DCC: variants seen among roughly 807,000 people sequenced by gnomAD.
DCC encodes the protein DCC netrin 1 receptor.
A neutral mutation model predicts 172.5 loss-of-function variants in DCC; 58 were observed. The observed-to-expected ratio is 0.34, with a 90% CI of 0.27 to 0.42. DCC has a LOEUF of 0.42. Ranked by LOEUF, DCC falls within the 10% of genes least tolerant of loss-of-function variation. The pLI is 1.00. For missense variants in DCC, 1,740 were observed against 1,791.0 expected, an observed-to-expected ratio of 0.97 and a Z score of 0.51; for synonymous variants, 709 against 644.5, an observed-to-expected ratio of 1.10 and a Z score of -1.52.
At chr18:53,103,080 A>G (rs1470697902) in intron 7 of DCC, among the ~76,000 whole-genome samples, 1 of 152,094 alleles carries the variant, frequency 6.6e-6, no homozygotes, top group East Asian at 1.9e-4. Flanking sequence ...TACCCCATTC[A>G]TTTATGAATT....
Position 52,773,923 on chromosome 18 carries a change from T to G in DCC, c.412+21549T>G, listed in dbSNP as rs1052392195. ...AAATCAGATACAGGGGGAAGACAGA[T>G]GAATCAAGGCTGTTGAAGCTGCAGC... On this transcript the variant is annotated intron_variant, in intron 2 of 28. Coordinates refer to ENST00000442544, the MANE Select transcript of DCC (RefSeq NM_005215.4). 3.3e-5 allele frequency among the ~76,000 whole-genome samples: 5 copies of G among 152,112 alleles called. No individual in the cohort carries two copies. In the South Asian group the frequency reaches 1.0e-3, roughly 31 times the overall value.
At chr18:52,641,973 C>T (rs2034900114) in intron 1 of DCC, among the ~76,000 whole-genome samples, 1 of 147,550 alleles carries the variant, frequency 6.8e-6, no homozygotes, top group Non-Finnish European at 1.5e-5. Flanking sequence ...CCCAAATGCC[C>T]ATCCATCAAC....
chr18:52,360,538 T>C (rs986992402), intron 1 of DCC, among the ~76,000 whole-genome samples: 4 of 152,218 alleles, frequency 2.6e-5, no homozygotes, highest in African/African-American at 9.6e-5. Flanking sequence ...AATGCAACCA[T>C]GTAGCGTGGT....
chr18:52,463,710 T>G (rs1988699219), intron 1 of DCC, among the ~76,000 whole-genome samples: 2 of 152,162 alleles, frequency 1.3e-5, no homozygotes, highest in Admixed American at 1.3e-4. Flanking sequence ...AAATGCACAC[T>G]CTGTTCCAGT....
At chr18:52,650,241 G>A (rs995345153) in intron 1 of DCC, among the ~76,000 whole-genome samples, 4 of 151,890 alleles carry the variant, frequency 2.6e-5, no homozygotes, top group Admixed American at 2.0e-4. Context: ...AGCCTCCTAC[G>A]GTACTGGGAT....
At chr18:53,292,776 A>G (rs879815741) in intron 12 of DCC, among the ~76,000 whole-genome samples, 14 of 152,226 alleles carry the variant, frequency 9.2e-5, no homozygotes, top group Non-Finnish European at 1.8e-4. Context: ...AACATTTCTC[A>G]GAGATTTGTA....
rs1034668191 is a variant in DCC, at chr18:52,451,709, C to T, written c.91+110831C>T. Among the ~76,000 whole-genome samples the T allele has an allele frequency of 1.3e-5, 2 of 151,568 alleles. 1 individual carries two copies. Among genetic ancestry groups the T allele is most frequent in the South Asian group, 4.2e-4 (2 of 4,792 alleles). On this transcript the variant is annotated intron_variant, in intron 1 of 28. Coordinates refer to ENST00000442544, the MANE Select transcript of DCC (RefSeq NM_005215.4). ...GTATGTATGTGTGTGTGTGTGTGTA[C>T]CTAATGACTACAAATTGCAAGTAAA... is the stretch of plus-strand genomic sequence containing the variant.
At chr18:53,430,300 C>T (rs1170998796) in intron 21 of DCC, among the ~76,000 whole-genome samples, 1 of 152,090 alleles carries the variant, frequency 6.6e-6, no homozygotes, top group African/African-American at 2.4e-5. Context: ...ATACGTTTTT[C>T]TCTAGGGATT....
chr18:52,862,088 C>T (rs1241431481), intron 2 of DCC, among the ~76,000 whole-genome samples: 3 of 151,978 alleles, frequency 2.0e-5, no homozygotes, highest in African/African-American at 7.3e-5. Context: ...TATTAGAACA[C>T]ATTAATAACA....
intron 7 of DCC, among the ~76,000 whole-genome samples, chr18:53,081,095 G>A (rs2042793729): frequency 1.3e-5 from 2 of 152,096 alleles, no homozygotes; most frequent in South Asian, 4.1e-4. Flanking sequence ...ATATCAGAAG[G>A]TAAAAACTAT....
At chr18:53,346,219 C>A (rs1260394331) in intron 15 of DCC, among the ~76,000 whole-genome samples, 3 of 151,958 alleles carry the variant, frequency 2.0e-5, no homozygotes, top group African/African-American at 4.8e-5. Flanking sequence ...GCTTTTAAGA[C>A]TTCTTTAAAA....
At chr18:53,235,705 C>T (rs2056191335) in intron 12 of DCC, among the ~76,000 whole-genome samples, 1 of 152,016 alleles carries the variant, frequency 6.6e-6, no homozygotes, top group African/African-American at 2.4e-5. Flanking sequence ...TTGTAACCAT[C>T]AACATCATCC....
intron 5 of DCC, among the ~76,000 whole-genome samples, chr18:53,017,180 A>G (rs1249375918): frequency 6.7e-6 from 1 of 148,356 alleles, no homozygotes; most frequent in East Asian, 2.0e-4. Context: ...GGTTCACGCC[A>G]TTCTCCTGCC....
chr18:52,570,296 C>A (rs1394630917), intron 1 of DCC, among the ~76,000 whole-genome samples: 1 of 152,000 alleles, frequency 6.6e-6, no homozygotes, highest in Admixed American at 6.6e-5. Context: ...AATCAAAATT[C>A]CCAGTGGCCT....
chr18:53,314,723 AG>A (rs1249475985), intron 13 of DCC, among the ~76,000 whole-genome samples: 1 of 152,156 alleles, frequency 6.6e-6, no homozygotes, highest in East Asian at 1.9e-4. Flanking sequence ...GCAAAGTTGA[AG>A]GTGTTTTAAG....
rs142224840 is a variant in DCC at position 52,358,881 on chromosome 18, G to A, written c.91+18003G>A. ...TGCTGCAGCATCAATGCTTTAGAAC[G>A]TTTCCAGTGCCTGAGCATTATTACT... is the stretch of plus-strand genomic sequence containing the variant. On this transcript the variant is annotated intron_variant, in intron 1 of 28. Coordinates refer to ENST00000442544, the MANE Select transcript of DCC (RefSeq NM_005215.4). Among the ~76,000 whole-genome samples, 20 of 152,270 alleles carry A rather than the reference G, an allele frequency of 1.3e-4. No homozygotes were observed. In the East Asian group the frequency reaches 1.4e-3, roughly 10 times the overall value.
chr18:52,370,561 C>T (rs1985075106), intron 1 of DCC, among the ~76,000 whole-genome samples: 1 of 152,016 alleles, frequency 6.6e-6, no homozygotes, highest in Admixed American at 6.6e-5. Flanking sequence ...TCAGGCCTGT[C>T]AGGGGTGTGG....
chr18:53,185,167 G>A (rs186318924), intron 9 of DCC, among the ~76,000 whole-genome samples: 25 of 152,282 alleles, frequency 1.6e-4, no homozygotes, highest in African/African-American at 5.1e-4. Flanking sequence ...GATGGGGAAC[G>A]TTAAAAATTT....
chr18:52,783,023 T>C (rs571428406), intron 2 of DCC, among the ~76,000 whole-genome samples: 10 of 152,142 alleles, frequency 6.6e-5, no homozygotes, highest in African/African-American at 2.4e-4. Flanking sequence ...AAACAAGAGA[T>C]CATACTGATT....
Sources: allele counts gnomAD v4.1 joint callset (sites outside exome capture counted in the v4.1 genomes callset), GRCh38; gene constraint gnomAD v4.1.1; transcripts MANE v1.5; gene names NCBI Gene and HGNC (gene_info 2026-07-23, HGNC 2026-07-21).